The following RAPGEF6 variants were observed in gnomAD, a reference collection of about 807,000 sequenced individuals.
The protein encoded by RAPGEF6 is PDZ domain containing guanine nucleotide exchange factor (GEF) 2.
A neutral mutation model predicts 171.4 loss-of-function variants in RAPGEF6; 56 were observed. The ratio of observed to expected loss-of-function variants is 0.33; its 90% CI spans 0.26 to 0.41. The LOEUF is 0.41. Ranked by LOEUF, RAPGEF6 falls within the 10% of genes least tolerant of loss-of-function variation. The pLI, the probability that RAPGEF6 is intolerant of heterozygous loss-of-function variation, is 1.00. For synonymous variants in RAPGEF6, 692 were observed against 650.1 expected (o/e 1.06, Z -0.98); for missense variants, 1,674 against 1,921.4 (o/e 0.87, Z 2.41).
Position 131,462,096 on chromosome 5 carries a change from G to GA in RAPGEF6, c.2481-9dup. On this transcript the variant is annotated splice_polypyrimidine_tract_variant and intron_variant, in intron 18 of 27. Transcript: ENST00000509018. ...TTATTTTTTAAGTAATACCTAAATG[G>GA]AAAAATTTTTTTAAATAAATGTATT... The GA allele has an allele frequency of 6.8e-7, 1 of 1,467,636 alleles. No individual in the cohort carries two copies. The highest frequency in any genetic ancestry group is 9.0e-7 in the Non-Finnish European group (1 of 1,105,404). The allele number at this position is 1,467,636 out of a possible 1,614,324, so 90.9% of individuals were successfully genotyped here. A position where few individuals can be genotyped will look rare whatever the true frequency, so the allele number is the denominator to read the frequency against.
chr5:131,561,090 G>A (rs994763049), intron 5 of RAPGEF6, among the ~76,000 whole-genome samples: 13 of 151,664 alleles, frequency 8.6e-5, no homozygotes, highest in African/African-American at 3.2e-4. Flanking sequence ...TAAAAAGCAA[G>A]CTGTGTTCTT....
At chr5:131,489,093 A>C (rs1417607580) in intron 15 of RAPGEF6, among the ~76,000 whole-genome samples, 1 of 152,218 alleles carries the variant, frequency 6.6e-6, no homozygotes, top group Non-Finnish European at 1.5e-5. Context: ...TAAGTACTTA[A>C]GTCAATGCTT....
intron 2 of RAPGEF6, among the ~76,000 whole-genome samples, chr5:131,603,984 C>T (rs925879523): frequency 3.3e-5 from 5 of 151,886 alleles, no homozygotes; most frequent in Non-Finnish European, 5.9e-5. Flanking sequence ...TTATAGCACT[C>T]GAAAGTGTTT....
chr5:131,504,732 A>C lies in RAPGEF6; in HGVS notation c.1148T>G (p.Val383Gly). The stretch of plus-strand genomic sequence containing the variant: ...CTCAACTTTATGGGTATTTTTTTCC[A>C]CATGGTTTAAAATTCTCCAATAATC... ...QQDYWRILNH[V>G]EKNTHKVEEE... The change falls in exon 11 of 28, where the codon GTG becomes GGG. Residue 383 changes from valine (V) to glycine (G), a missense_variant. Val to Gly is a moderately radical substitution (Grantham distance 109, BLOSUM62 -3). Transcript: ENST00000509018. 6.2e-7 allele frequency: 1 copy of C among 1,613,858 alleles called. No homozygotes were observed. The highest frequency in any genetic ancestry group is 8.5e-7 in the Non-Finnish European group (1 of 1,179,892).
At chr5:131,569,498 A>T (rs952568358) in intron 4 of RAPGEF6, among the ~76,000 whole-genome samples, 1 of 152,236 alleles carries the variant, frequency 6.6e-6, no homozygotes, top group Non-Finnish European at 1.5e-5. Flanking sequence ...CATGCTAGGT[A>T]AAATGAATAT....
intron 7 of RAPGEF6, among the ~76,000 whole-genome samples, chr5:131,519,944 C>A (rs929385160): frequency 2.0e-5 from 3 of 152,190 alleles, no homozygotes; most frequent in African/African-American, 7.2e-5. Flanking sequence ...TAACTTGTTT[C>A]ATCTCTCTTT....
intron 17 of RAPGEF6, among the ~76,000 whole-genome samples, chr5:131,465,579 C>G (rs184668326): frequency 5.0e-4 from 76 of 152,058 alleles, no homozygotes; most frequent in African/African-American, 1.7e-3. Context: ...CCCAGGAGTT[C>G]GAGACCAGCC....
Position 131,507,174 on chromosome 5 carries a change from T to C in RAPGEF6, c.942+897A>G, listed in dbSNP as rs1370165252. ...TATATATATAATATATGTAATATTA[T>C]ATATTATATATATAGTATGAAATTA... is the stretch of plus-strand genomic sequence containing the variant. On this transcript the variant is annotated intron_variant, in intron 9 of 27. Coordinates refer to ENST00000509018, the MANE Select transcript of RAPGEF6 (RefSeq NM_016340.6). 7.3e-5 allele frequency among the ~76,000 whole-genome samples: 4 copies of C among 54,644 alleles called. No homozygotes were observed. In the East Asian group the frequency reaches 1.1e-3, roughly 14 times the overall value. The allele number at this position is 54,644 out of a possible 152,430, so 35.8% of individuals were successfully genotyped here. A position where few individuals can be genotyped will look rare whatever the true frequency, so the allele number is the denominator to read the frequency against.
chr5:131,441,709 T>C (rs1339355929), intron 23 of RAPGEF6, among the ~76,000 whole-genome samples: 1 of 152,176 alleles, frequency 6.6e-6, no homozygotes, highest in Non-Finnish European at 1.5e-5. Context: ...CAACTTTGTA[T>C]CTCAAACAAT....
chr5:131,531,586 CAT>C (rs1759375226), intron 6 of RAPGEF6, among the ~76,000 whole-genome samples: 1 of 152,116 alleles, frequency 6.6e-6, no homozygotes, highest in African/African-American at 2.4e-5. Flanking sequence ...TAAATATTTT[CAT>C]ATAATTGATT....
At chr5:131,631,764 T>C (rs956823595) in intron 1 of RAPGEF6, among the ~76,000 whole-genome samples, 4 of 152,134 alleles carry the variant, frequency 2.6e-5, no homozygotes, top group African/African-American at 9.6e-5. Context: ...CTGGGCAATA[T>C]AGTGAGACCC....
chr5:131,528,285 A>C (rs1759083252), intron 6 of RAPGEF6, among the ~76,000 whole-genome samples: 1 of 118,182 alleles, frequency 8.5e-6, no homozygotes, highest in South Asian at 2.3e-4. Context: ...TTATATATAT[A>C]TAAATAAAAT....
At chr5:131,620,117 T>C (rs547338605) in intron 1 of RAPGEF6, among the ~76,000 whole-genome samples, 80 of 152,356 alleles carry the variant, frequency 5.3e-4, no homozygotes, top group African/African-American at 1.8e-3. Flanking sequence ...TTTGTTATTT[T>C]GGGTCCATCT....
chr5:131,491,539 A>T (rs888385467), intron 14 of RAPGEF6, among the ~76,000 whole-genome samples: 2 of 152,118 alleles, frequency 1.3e-5, no homozygotes, highest in African/African-American at 4.8e-5. Context: ...GGGGTCCCCA[A>T]CCACCAGGAC....
intron 2 of RAPGEF6, 46 bp from the exon 3 acceptor site, chr5:131,603,373 A>G: frequency 7.6e-7 from 1 of 1,309,642 alleles, no homozygotes; most frequent in Non-Finnish European, 1.1e-6. Context: ...TTTTGTTTTT[A>G]AAATTGTTAT....
intron 6 of RAPGEF6, among the ~76,000 whole-genome samples, chr5:131,545,709 C>T (rs1561551118): frequency 6.6e-6 from 1 of 152,214 alleles, no homozygotes; most frequent in Non-Finnish European, 1.5e-5. Context: ...TCTAAGTTAA[C>T]TGAAATATAT....
intron 21 of RAPGEF6, among the ~76,000 whole-genome samples, chr5:131,452,509 G>T (rs1753164861): frequency 6.6e-6 from 1 of 151,720 alleles, no homozygotes; most frequent in African/African-American, 2.4e-5. Flanking sequence ...GAATTAAACA[G>T]AAACAGAACA....
intron 1 of RAPGEF6, among the ~76,000 whole-genome samples, chr5:131,608,133 A>G (rs1239315191): frequency 6.6e-6 from 1 of 152,226 alleles, no homozygotes; most frequent in East Asian, 1.9e-4. Context: ...TGCTAAACAT[A>G]GCCATGCCCA....
In RAPGEF6 at chr5:131,625,811, C is replaced by CAA. The variant is rs36057060; in HGVS notation, c.69+9149_69+9150dup. On this transcript the variant is annotated intron_variant, in intron 1 of 27. Coordinates refer to ENST00000509018, the MANE Select transcript of RAPGEF6 (RefSeq NM_016340.6). The stretch of plus-strand genomic sequence containing the variant: ...AGCCTGGGTGACAGAGACTCCGTCT[C>CAA]AAAAAAAAAAAAAAAACCATACTTC... Among the ~76,000 whole-genome samples, 257 of 113,528 alleles carry CAA rather than the reference C, an allele frequency of 2.3e-3. 1 individual carries two copies. Among genetic ancestry groups the CAA allele is most frequent in the Admixed American group, 6.0e-3 (72 of 12,062 alleles). The allele number at this position is 113,528 out of a possible 152,430, so 74.5% of individuals were successfully genotyped here.
Sources: allele counts gnomAD v4.1 joint callset (sites outside exome capture counted in the v4.1 genomes callset), GRCh38; gene constraint gnomAD v4.1.1; transcripts MANE v1.5; gene names NCBI Gene and HGNC (gene_info 2026-07-23, HGNC 2026-07-21).